Variants in MFNG observed in about 807,000 individuals in gnomAD.
MFNG encodes MFNG O-fucosylpeptide 3-beta-N-acetylglucosaminyltransferase, also known as beta-1,3-N-acetylglucosaminyltransferase manic fringe.
In MFNG, 24 loss-of-function variants were observed where a neutral mutation model predicts 34.2. That is an observed-to-expected ratio of 0.70 (90% CI 0.51 to 0.99). MFNG has a LOEUF of 0.99. MFNG is among the 50% of genes least tolerant of loss of function. The probability of loss-of-function intolerance (pLI) is 0.00; values close to 1 mark genes in which losing one functional copy is unlikely to be tolerated. For missense variants in MFNG, 383 were observed against 424.0 expected, an observed-to-expected ratio of 0.90 and a Z score of 0.85; for synonymous variants, 158 against 179.2, an observed-to-expected ratio of 0.88 and a Z score of 0.94.
Position 37,486,316 on chromosome 22 carries a change from C to T in MFNG, c.-139G>A. ...CTGGCAAGGAGGGAAGAGGTAGGAG[C>T]TGAGGCTCTGGACCCAGAGGCTGAG... On this transcript the variant is annotated 5_prime_UTR_variant, in exon 1 of 8. Transcript: ENST00000356998. The T allele has an allele frequency of 4.1e-6, 4 of 969,476 alleles. No individual in the cohort carries two copies. Among genetic ancestry groups the T allele is most frequent in the Non-Finnish European group, 5.7e-6 (4 of 696,368 alleles). 60.1% of individuals were successfully genotyped at this position (969,476 alleles called of 1,614,324 possible).
Position 37,474,572 on chromosome 22 carries a change from G to C in MFNG, c.753C>G (p.Pro251=), listed in dbSNP as rs1047466849. 3 of 1,614,198 alleles carry C rather than the reference G, an allele frequency of 1.9e-6. No homozygotes were observed. The highest frequency in any genetic ancestry group is 2.5e-6 in the Non-Finnish European group (3 of 1,180,018). ...CKLGGRLQPS[P]LFHSHLETLQ... The stretch of plus-strand genomic sequence containing the variant: ...GGGTCTCCAGGTGGGAGTGAAAGAG[G>C]GGGCTGGGCTGCAGGCGGCCGCCCA... The change falls in exon 6 of 8, where the codon CCC becomes CCG. Residue 251 remains proline (P), a synonymous_variant. Transcript: ENST00000356998.
In MFNG at chr22:37,485,863, CCT is replaced by C; in HGVS notation, c.255+58_255+59del. 9.0e-6 allele frequency: 14 copies of C among 1,548,842 alleles called. No individual in the cohort carries two copies. Among genetic ancestry groups the C allele is most frequent in the Non-Finnish European group, 1.2e-5 (14 of 1,144,606 alleles). ...CAGGGACCCCAGCCCAGTAGAAAGG[CCT>C]CTGAGAACCCCTTAGGCCAGGGGCC... is the stretch of plus-strand genomic sequence containing the variant. On this transcript the variant is annotated intron_variant, in intron 1 of 7. Coordinates refer to ENST00000356998, the MANE Select transcript of MFNG (RefSeq NM_002405.4). The surrounding 1 kb of genome is among the most constrained non-coding windows in gnomAD (Gnocchi z 5.3).
Position 37,480,310 on chromosome 22 carries a change from G to C in MFNG, c.305-11C>G, listed in dbSNP as rs763746771. The C allele has an allele frequency of 2.0e-5, 33 of 1,610,224 alleles. No individual in the cohort carries two copies. The highest frequency in any genetic ancestry group is 2.8e-5 in the Non-Finnish European group (33 of 1,176,790). The stretch of plus-strand genomic sequence containing the variant: ...CCACAAGGTGGGACCCTGGAGAAGT[G>C]AGGAGGAGTCAGGGGACCCTGCCCA... On this transcript the variant is annotated splice_polypyrimidine_tract_variant and intron_variant, in intron 2 of 7. Coordinates refer to ENST00000356998, the MANE Select transcript of MFNG (RefSeq NM_002405.4).
At chr22:37,477,742 G>A (rs746528045) in intron 4 of MFNG, among the ~76,000 whole-genome samples, 19 of 152,240 alleles carry the variant, frequency 1.2e-4, no homozygotes, top group South Asian at 2.1e-4. Context: ...GAGCCACCGC[G>A]CCCGGCCTCA....
rs1208363776 is a variant in MFNG at position 37,485,532 on chromosome 22, C to G, written c.255+391G>C. On this transcript the variant is annotated intron_variant, in intron 1 of 7. Transcript: ENST00000356998. The surrounding 1 kb of genome is among the most constrained non-coding windows in gnomAD (Gnocchi z 5.3). The stretch of plus-strand genomic sequence containing the variant: ...GGTCTGGGTCAGGACCTCTTGGAGG[C>G]CTCCACCCCAGCTGCCCAACACCCA... 6.6e-6 allele frequency among the ~76,000 whole-genome samples: 1 copy of G among 152,216 alleles called. No individual in the cohort carries two copies. The highest frequency in any genetic ancestry group is 1.5e-5 in the Non-Finnish European group (1 of 68,034).
At chr22:37,470,077 T>C (rs1471324012) in intron 7 of MFNG, 48 bp from the exon 8 acceptor site, 6 of 1,447,804 alleles carry the variant, frequency 4.1e-6, no homozygotes, top group Non-Finnish European at 5.7e-6. Context: ...CCACTTCTGC[T>C]CTCAGCCCAC....
chr22:37,485,463 G>A lies in MFNG; in HGVS notation c.255+460C>T, dbSNP rs1297394655. Among the ~76,000 whole-genome samples the A allele has an allele frequency of 6.6e-6, 1 of 152,230 alleles. No individual in the cohort carries two copies. Among genetic ancestry groups the A allele is most frequent in the Non-Finnish European group, 1.5e-5 (1 of 68,034 alleles). Reference sequence around the variant, plus strand: ...GTCCTCCACCCTCAGAGCCCGGGCAGGACAGCACCTAGGGCCTGGGTGGGA... The same window carrying A: ...GTCCTCCACCCTCAGAGCCCGGGCAAGACAGCACCTAGGGCCTGGGTGGGA... On this transcript the variant is annotated intron_variant, in intron 1 of 7. Coordinates refer to ENST00000356998, the MANE Select transcript of MFNG (RefSeq NM_002405.4). This position sits in a 1 kb window ranked among gnomAD's most constrained non-coding sequence, Gnocchi z 5.3.
Position 37,485,457 on chromosome 22 carries a change from C to T in MFNG, c.255+466G>A, listed in dbSNP as rs780033787. Among the ~76,000 whole-genome samples the T allele has an allele frequency of 5.3e-5, 8 of 152,218 alleles. No individual in the cohort carries two copies. Among genetic ancestry groups the T allele is most frequent in the Non-Finnish European group, 1.0e-4 (7 of 68,034 alleles). ...CCTCCCGTCCTCCACCCTCAGAGCC[C>T]GGGCAGGACAGCACCTAGGGCCTGG... On this transcript the variant is annotated intron_variant, in intron 1 of 7. Transcript: ENST00000356998. This position sits in a 1 kb window ranked among gnomAD's most constrained non-coding sequence, Gnocchi z 5.3.
Position 37,470,039 on chromosome 22 carries a change from G to C in MFNG, c.900-10C>G. 3.1e-6 allele frequency: 5 copies of C among 1,594,188 alleles called. No homozygotes were observed. The highest frequency in any genetic ancestry group is 4.3e-6 in the Non-Finnish European group (5 of 1,168,332). ...ATGGAGGGAGCGAAATCTGCAGAGA[G>C]ACCAGAAAAGGACAGGATGGTCACC... On this transcript the variant is annotated splice_polypyrimidine_tract_variant and intron_variant, in intron 7 of 7. Transcript: ENST00000356998.
In MFNG at chr22:37,485,866, C is replaced by T; in HGVS notation, c.255+57G>A. ...GGACCCCAGCCCAGTAGAAAGGCCT[C>T]TGAGAACCCCTTAGGCCAGGGGCCA... On this transcript the variant is annotated intron_variant, in intron 1 of 7. Coordinates refer to ENST00000356998, the MANE Select transcript of MFNG (RefSeq NM_002405.4). This position sits in a 1 kb window ranked among gnomAD's most constrained non-coding sequence, Gnocchi z 5.3. 1 of 1,554,758 alleles carries T rather than the reference C, an allele frequency of 6.4e-7. No homozygotes were observed. Among genetic ancestry groups the T allele is most frequent in the South Asian group, 1.2e-5 (1 of 83,008 alleles).
chr22:37,472,545 A>C lies in MFNG; in HGVS notation c.814-17T>G. 1.3e-6 allele frequency: 2 copies of C among 1,577,572 alleles called. No homozygotes were observed. Among genetic ancestry groups the C allele is most frequent in the Non-Finnish European group, 1.7e-6 (2 of 1,164,044 alleles). ...GAGGGTGACCTGGGCAGGGAGATAG[A>C]AGAGTGTTGGGGCATCACACTGGGG... is the stretch of plus-strand genomic sequence containing the variant. On this transcript the variant is annotated splice_polypyrimidine_tract_variant and intron_variant, in intron 6 of 7. Transcript: ENST00000356998.
At chr22:37,470,555 A>G (rs1569155182) in intron 7 of MFNG, among the ~76,000 whole-genome samples, 1 of 152,368 alleles carries the variant, frequency 6.6e-6, no homozygotes, top group African/African-American at 2.4e-5. Context: ...AGCTCATCCT[A>G]CTAGAAGGCA....
At chr22:37,471,400 G>C (rs1317943130) in intron 7 of MFNG, among the ~76,000 whole-genome samples, 1 of 152,218 alleles carries the variant, frequency 6.6e-6, no homozygotes, top group Non-Finnish European at 1.5e-5. Context: ...GCAAGGTGAA[G>C]CCAGCCCATC....
intron 7 of MFNG, 114 bp downstream of exon 7, chr22:37,472,329 G>A: frequency 1.3e-6 from 1 of 749,722 alleles, no homozygotes; most frequent in Non-Finnish European, 2.1e-6. Flanking sequence ...TCCTAGCTCT[G>A]TGCTGTCAGC....
At chr22:37,481,096 C>T (rs1030395070) in intron 1 of MFNG, 1 of 373,072 alleles carries the variant, frequency 2.7e-6, no homozygotes, top group Non-Finnish European at 5.0e-6. Flanking sequence ...CAATCACACA[C>T]ACACACACAA....
Position 37,486,162 on chromosome 22 carries a change from G to A in MFNG, c.16C>T (p.Pro6Ser). Reference protein sequence around the residue: MQCRLPRGLAGALLTL... With the variant: MQCRLSRGLAGALLTL... ...AGGAGGGCTCCAGCCAGGCCCCGCG[G>A]GAGCCGGCACTGCATTGGTTGGCCC... The change falls in exon 1 of 8, where the codon CCG (proline) becomes TCG (serine). Residue 6 changes from proline (P) to serine (S), a missense_variant. Transcript: ENST00000356998. The A allele has an allele frequency of 6.3e-7, 1 of 1,579,870 alleles. No individual in the cohort carries two copies. The highest frequency in any genetic ancestry group is 1.1e-5 in the South Asian group (1 of 88,592).
At chr22:37,470,403 A>C (rs1285722749) in intron 7 of MFNG, among the ~76,000 whole-genome samples, 2 of 152,208 alleles carry the variant, frequency 1.3e-5, no homozygotes, top group Admixed American at 1.3e-4. Context: ...TCATCTGATC[A>C]CATGCATCTG....
chr22:37,472,660 G>A, intron 6 of MFNG, 132 bp from the exon 7 acceptor site: 1 of 824,360 alleles, frequency 1.2e-6, no homozygotes, highest in South Asian at 1.7e-5. Context: ...ATTCCCCGCT[G>A]GTGGTGGGAG....
Position 37,469,751 on chromosome 22 carries a change from C to A in MFNG, c.*212G>T. 3 of 678,930 alleles carry A rather than the reference C, an allele frequency of 4.4e-6. No homozygotes were observed. The Admixed American group carries it at 6.2e-5, about 14-fold the overall frequency. 42.1% of individuals were successfully genotyped at this position (678,930 alleles called of 1,614,324 possible). A position where few individuals can be genotyped will look rare whatever the true frequency, so the allele number is the denominator to read the frequency against. The stretch of plus-strand genomic sequence containing the variant: ...GGAGCCTCTCTGGCCACCACCTGGT[C>A]CACCTGGTCCCCTGGGCTGTCTAAC... On this transcript the variant is annotated 3_prime_UTR_variant, in exon 8 of 8. Coordinates refer to ENST00000356998, the MANE Select transcript of MFNG (RefSeq NM_002405.4).
Sources: allele counts gnomAD v4.1 joint callset (sites outside exome capture counted in the v4.1 genomes callset), GRCh38; gene constraint gnomAD v4.1.1; non-coding constraint Gnocchi (gnomAD v3.1); transcripts MANE v1.5; gene names NCBI Gene and HGNC (gene_info 2026-07-23, HGNC 2026-07-21).